Variants in PLCL1 observed in about 807,000 individuals in gnomAD.
The protein encoded by PLCL1 is phospholipase C like 1 (inactive).
Under a neutral mutation model 84.4 loss-of-function variants are expected in PLCL1, and 41 were observed. That is an observed-to-expected ratio of 0.49 (90% confidence interval 0.38 to 0.63). The LOEUF is 0.63. Among genes scored for constraint, PLCL1 ranks in the 30% least tolerant of loss-of-function variants. The probability of loss-of-function intolerance (pLI) is 0.00; values close to 1 mark genes in which losing one functional copy is unlikely to be tolerated. For missense variants in PLCL1, 1,206 were observed against 1,367.8 expected (o/e 0.88, Z 1.87); for synonymous variants, 490 against 488.3 (o/e 1.00, Z -0.05).
intron 1 of PLCL1, among the ~76,000 whole-genome samples, chr2:197,888,928 A>G (rs1462887743): frequency 6.6e-6 from 1 of 152,214 alleles, no homozygotes; most frequent in Admixed American, 6.5e-5. Context: ...TAAATTAATT[A>G]TATTAAAATG....
intron 5 of PLCL1, among the ~76,000 whole-genome samples, chr2:198,127,396 T>C (rs1694014202): frequency 6.6e-6 from 1 of 152,190 alleles, no homozygotes; most frequent in Non-Finnish European, 1.5e-5. Flanking sequence ...GTCTTATACA[T>C]ATAAGAGGTA....
chr2:198,113,742 A>G (rs1033237001), intron 5 of PLCL1, among the ~76,000 whole-genome samples: 1 of 151,928 alleles, frequency 6.6e-6, no homozygotes, highest in East Asian at 1.9e-4. Context: ...CCTCTTCAAC[A>G]TGGTCTGGGG....
At chr2:198,029,889 G>A (rs935363990) in intron 1 of PLCL1, among the ~76,000 whole-genome samples, 2 of 104,338 alleles carry the variant, frequency 1.9e-5, no homozygotes, top group Non-Finnish European at 4.3e-5. Flanking sequence ...CAGTAGAGAC[G>A]GGGTTTCACC....
intron 1 of PLCL1, among the ~76,000 whole-genome samples, chr2:197,994,568 A>G (rs531551500): frequency 6.6e-6 from 1 of 152,340 alleles, no homozygotes; most frequent in Non-Finnish European, 1.5e-5. Flanking sequence ...GCCAAATAGG[A>G]TAACTCATGA....
chr2:198,063,289 C>T (rs902216021), intron 1 of PLCL1, among the ~76,000 whole-genome samples: 2 of 151,644 alleles, frequency 1.3e-5, no homozygotes, highest in African/African-American at 4.8e-5. Flanking sequence ...AGATGGAAAC[C>T]GAGAAGAAGG....
chr2:197,917,993 T>A (rs1688628345), intron 1 of PLCL1, among the ~76,000 whole-genome samples: 1 of 151,872 alleles, frequency 6.6e-6, no homozygotes, highest in Non-Finnish European at 1.5e-5. Flanking sequence ...ATATAAAGAG[T>A]ACAGTGTGGA....
chr2:197,858,790 C>T (rs781231938), intron 1 of PLCL1, among the ~76,000 whole-genome samples: 1 of 152,258 alleles, frequency 6.6e-6, no homozygotes, highest in African/African-American at 2.4e-5. Flanking sequence ...AGCCCTTCAG[C>T]CTGGGCTCTG....
At chr2:198,059,022 C>T (rs540597290) in intron 1 of PLCL1, among the ~76,000 whole-genome samples, 59 of 152,202 alleles carry the variant, frequency 3.9e-4, no homozygotes, top group African/African-American at 1.4e-3. Flanking sequence ...TGCCTATAAC[C>T]CCCAACAGGA....
At chr2:198,002,572 G>A (rs1032418365) in intron 1 of PLCL1, among the ~76,000 whole-genome samples, 3 of 152,100 alleles carry the variant, frequency 2.0e-5, no homozygotes, top group Admixed American at 6.6e-5. Flanking sequence ...TTTTAGTTAT[G>A]TTCTTAGATT....
chr2:198,068,762 C>T (rs991982462), intron 1 of PLCL1, among the ~76,000 whole-genome samples: 1 of 152,226 alleles, frequency 6.6e-6, no homozygotes. Context: ...GGGCTTACGC[C>T]TATAATCCCA....
At chr2:197,883,531 T>A (rs1167192361) in intron 1 of PLCL1, among the ~76,000 whole-genome samples, 1 of 152,162 alleles carries the variant, frequency 6.6e-6, no homozygotes, top group Non-Finnish European at 1.5e-5. Context: ...GCATAATTAA[T>A]GGGTCATGTA....
At chr2:197,945,455 C>G (rs1689253767) in intron 1 of PLCL1, among the ~76,000 whole-genome samples, 2 of 152,102 alleles carry the variant, frequency 1.3e-5, no homozygotes, top group South Asian at 4.1e-4. Context: ...TGCAGAATGT[C>G]CCAGTAAAAT....
intron 5 of PLCL1, among the ~76,000 whole-genome samples, chr2:198,126,940 A>G (rs971224974): frequency 2.7e-5 from 4 of 150,816 alleles, no homozygotes; most frequent in African/African-American, 9.8e-5. Context: ...TACTAAGCAG[A>G]TTGGCAGGTG....
intron 1 of PLCL1, among the ~76,000 whole-genome samples, chr2:197,864,808 G>C (rs960416414): frequency 2.6e-5 from 4 of 152,022 alleles, no homozygotes; most frequent in African/African-American, 9.7e-5. Flanking sequence ...ATTTCAACCG[G>C]ACACATTTTT....
intron 1 of PLCL1, among the ~76,000 whole-genome samples, chr2:197,960,620 C>T (rs1689597318): frequency 6.6e-6 from 1 of 152,040 alleles, no homozygotes; most frequent in Non-Finnish European, 1.5e-5. Context: ...CTGAAAGCTG[C>T]AGAAGGGAAA....
intron 1 of PLCL1, among the ~76,000 whole-genome samples, chr2:198,055,730 T>TA (rs1692055589): frequency 6.6e-6 from 1 of 152,166 alleles, no homozygotes. Context: ...ATTTTTATGA[T>TA]AAGGATTGTA....
chr2:198,023,980 A>G (rs971629205), intron 1 of PLCL1, among the ~76,000 whole-genome samples: 5 of 152,226 alleles, frequency 3.3e-5, no homozygotes, highest in Non-Finnish European at 7.3e-5. Flanking sequence ...CACAATAGCA[A>G]AGACTTGGAA....
At position 197,847,161 on chromosome 2, in the gene PLCL1, A is replaced by G. The variant is rs563929799; in HGVS notation, c.240+41822A>G. ...ACTGTAGAAACCTGTGATTGTCTGC[A>G]GGTACCAGCATAAACATGTTCCCAT... On this transcript the variant is annotated intron_variant, in intron 1 of 5. Transcript: ENST00000428675. 2.4e-3 allele frequency among the ~76,000 whole-genome samples: 372 copies of G among 152,278 alleles called. 2 individuals carry two copies. Among genetic ancestry groups the G allele is most frequent in the African/African-American group, 8.6e-3 (359 of 41,548 alleles).
chr2:197,896,917 C>T (rs1037674183), intron 1 of PLCL1, among the ~76,000 whole-genome samples: 4 of 152,246 alleles, frequency 2.6e-5, no homozygotes, highest in South Asian at 2.1e-4. Flanking sequence ...CTTAAAATTA[C>T]CCTCTGTATT....
Sources: allele counts gnomAD v4.1 joint callset (sites outside exome capture counted in the v4.1 genomes callset), GRCh38; gene constraint gnomAD v4.1.1; transcripts MANE v1.5; gene names NCBI Gene and HGNC (gene_info 2026-07-23, HGNC 2026-07-21).